Variants in CORIN observed in about 807,000 individuals in gnomAD.
CORIN encodes corin, serine peptidase, also known as atrial natriuretic peptide-converting enzyme.
Under a neutral mutation model 125.3 loss-of-function variants are expected in CORIN, and 117 were observed. That is an observed-to-expected ratio of 0.93 (90% CI 0.80 to 1.09). The LOEUF (loss-of-function observed/expected upper bound fraction) is 1.09. CORIN is among the 50% of genes least tolerant of loss of function. The pLI, the probability that CORIN is intolerant of heterozygous loss-of-function variation, is 0.00. For synonymous variants in CORIN, 450 were observed against 466.4 expected (o/e 0.96, Z 0.45); for missense variants, 1,253 against 1,306.7 (o/e 0.96, Z 0.63).
At chr4:47,614,075 G>T (rs114875488) in intron 19 of CORIN, among the ~76,000 whole-genome samples, 2,737 of 152,266 alleles carry the variant, frequency 0.018, 87 homozygotes, top group African/African-American at 0.062. Flanking sequence ...GCAAAATGAT[G>T]TGCAAAATAG....
At chr4:47,683,645 A>G in intron 7 of CORIN, 86 bp downstream of exon 7, 1 of 911,410 alleles carries the variant, frequency 1.1e-6, no homozygotes, top group Non-Finnish European at 1.7e-6. Flanking sequence ...ACTGCTAATC[A>G]TATTAACACA....
chr4:47,683,732 A>G lies in CORIN; in HGVS notation c.1020T>C (p.Cys340=). 1 of 1,607,292 alleles carries G rather than the reference A, an allele frequency of 6.2e-7. No homozygotes were observed. Among genetic ancestry groups the G allele is most frequent in the South Asian group, 1.1e-5 (1 of 90,172 alleles). Residue 340 remains cysteine (C), a splice_region_variant and synonymous_variant, in exon 7 of 22, where the codon TGT becomes TGC. Coordinates refer to ENST00000273857, the MANE Select transcript of CORIN (RefSeq NM_006587.4). ...CTTTGGGGAAACAATGCTACTTACC[A>G]CAGTTTTGCTCATCACTCAAATCCC... ...DCGDLSDEQN[C]DCNPTTEHRC...
At chr4:47,817,870 C>T (rs542204882) in intron 1 of CORIN, among the ~76,000 whole-genome samples, 91 of 152,232 alleles carry the variant, frequency 6.0e-4, no homozygotes, top group African/African-American at 2.1e-3. Flanking sequence ...ATCTCTGACC[C>T]GGTCTCTAGA....
intron 5 of CORIN, among the ~76,000 whole-genome samples, chr4:47,738,101 G>T (rs1290886771): frequency 2.0e-5 from 3 of 152,122 alleles, no homozygotes; most frequent in Non-Finnish European, 2.9e-5. Flanking sequence ...AAAATGTGGG[G>T]AATTCCTGTA....
chr4:47,765,307 T>TCC (rs146543486), intron 3 of CORIN, among the ~76,000 whole-genome samples: 9 of 134,682 alleles, frequency 6.7e-5, no homozygotes, highest in African/African-American at 8.3e-5. Flanking sequence ...CGAGACTCCG[T>TCC]CCCCCAAAAA....
chr4:47,601,763 T>A (rs1266292086), intron 20 of CORIN, among the ~76,000 whole-genome samples: 6 of 152,188 alleles, frequency 3.9e-5, no homozygotes, highest in Non-Finnish European at 8.8e-5. Flanking sequence ...TAACATTGCC[T>A]TCAAAATTGT....
chr4:47,674,521 AC>A, intron 9 of CORIN, 21 bp from the exon 10 acceptor site: 1 of 1,460,920 alleles, frequency 6.8e-7, no homozygotes, highest in Non-Finnish European at 9.6e-7. Flanking sequence ...AGGAAAAGGC[AC>A]ATTGGCTTTC....
intron 5 of CORIN, among the ~76,000 whole-genome samples, chr4:47,707,836 C>G (rs1726650521): frequency 6.6e-6 from 1 of 152,150 alleles, no homozygotes; most frequent in South Asian, 2.1e-4. Context: ...TAGTAAATTA[C>G]AAGGGAGTAA....
chr4:47,802,009 A>G (rs1319373276), intron 2 of CORIN, among the ~76,000 whole-genome samples: 2 of 152,080 alleles, frequency 1.3e-5, no homozygotes, highest in African/African-American at 4.8e-5. Context: ...GTAAAGGGAG[A>G]GCACAGCAAC....
rs1191180866 is a variant in CORIN, at chr4:47,820,697, T to TA, written c.64-13651dup. Among the ~76,000 whole-genome samples the TA allele has an allele frequency of 2.0e-5, 3 of 151,628 alleles. No individual in the cohort carries two copies. The South Asian group carries it at 6.2e-4, about 32-fold the overall frequency. On this transcript the variant is annotated intron_variant, in intron 1 of 21. Transcript: ENST00000273857. ...CCCTGCCCGAAAAATGAGCTCACAA[T>TA]AAAAAATGTAAAACACATGAGAAAG...
rs778772757 is a variant in CORIN at position 47,763,422 on chromosome 4, A to G, written c.574T>C (p.Cys192Arg). Residue 192 changes from cysteine to arginine, a missense_variant, in exon 4 of 22, where the codon TGT (cysteine) becomes CGT (arginine). By Grantham distance (180) the Cys-to-Arg change is radical. Coordinates refer to ENST00000273857, the MANE Select transcript of CORIN (RefSeq NM_006587.4). The part of the protein sequence containing the change: ...SCYQHIMLFG[C>R]TLAFPECIID... The stretch of plus-strand genomic sequence containing the variant: ...ATGCACTCAGGGAAGGCGAGGGTAC[A>G]GCCAAACAGCATGATATGTTGATAG... 5 of 1,614,154 alleles carry G rather than the reference A, an allele frequency of 3.1e-6. No individual in the cohort carries two copies. In the Admixed American group the frequency reaches 8.3e-5, roughly 27 times the overall value.
At chr4:47,683,294 T>A (rs942652553) in intron 7 of CORIN, 1 of 160,378 alleles carries the variant, frequency 6.2e-6, no homozygotes, top group African/African-American at 2.4e-5. Context: ...GAACAGGTGG[T>A]CCCTGTACTA....
rs746790996 is a variant in CORIN, at chr4:47,744,422, T to C, written c.779A>G (p.Gln260Arg). 10 of 1,613,660 alleles carry C rather than the reference T, an allele frequency of 6.2e-6. No individual in the cohort carries two copies. In the Admixed American group the frequency reaches 1.3e-4, roughly 22 times the overall value. Residue 260 changes from glutamine (Q) to arginine (R), a missense_variant, in exon 5 of 22, where the codon CAG becomes CGG. Gln to Arg is a conservative substitution (Grantham distance 43). Coordinates refer to ENST00000273857, the MANE Select transcript of CORIN (RefSeq NM_006587.4). ...SNVSRICFSP[Q>R]QENGKQLLCG... ...CCTACATTGCTTTCCGTTTTCCTGC[T>C]GAGGTGAGAAGCAAATTCTGCTGAC...
chr4:47,688,214 TAGA>T (rs1303784316), intron 6 of CORIN, among the ~76,000 whole-genome samples: 3 of 152,220 alleles, frequency 2.0e-5, no homozygotes, highest in African/African-American at 7.2e-5. Context: ...CTCTTTTTAC[TAGA>T]AGGACTCCCT....
intron 9 of CORIN, among the ~76,000 whole-genome samples, chr4:47,676,717 A>T (rs900845151): frequency 3.9e-5 from 6 of 152,224 alleles, no homozygotes; most frequent in African/African-American, 1.4e-4. Flanking sequence ...CTGTTTTATC[A>T]TATGACTTTC....
chr4:47,607,018 T>C (rs1721675860), intron 19 of CORIN, among the ~76,000 whole-genome samples: 1 of 152,226 alleles, frequency 6.6e-6, no homozygotes, highest in Admixed American at 6.5e-5. Context: ...CATTCCAAAT[T>C]ATTTGTAACA....
chr4:47,632,729 A>AGAC (rs1553905883), intron 16 of CORIN, among the ~76,000 whole-genome samples: 1 of 108,024 alleles, frequency 9.3e-6, no homozygotes, highest in Non-Finnish European at 1.9e-5. Flanking sequence ...AATAGATGAT[A>AGAC]GATAGATAGA....
intron 19 of CORIN, among the ~76,000 whole-genome samples, chr4:47,613,002 G>A (rs543189113): frequency 2.0e-5 from 3 of 152,312 alleles, no homozygotes; most frequent in East Asian, 1.9e-4. Context: ...AATGTTTCAG[G>A]GGGAAAAAGC....
At chr4:47,737,972 A>T (rs1212740801) in intron 5 of CORIN, among the ~76,000 whole-genome samples, 3 of 151,130 alleles carry the variant, frequency 2.0e-5, no homozygotes, top group African/African-American at 7.4e-5. Context: ...ACTCAGTGCA[A>T]AAGCCTTTTC....
Sources: gnomAD v4.1 joint callset for allele counts (sites outside exome capture counted in the v4.1 genomes callset) on GRCh38, gnomAD v4.1.1 for gene constraint, MANE v1.5 for transcripts, NCBI Gene and HGNC (gene_info 2026-07-23, HGNC 2026-07-21) for gene names.